The following DPF2 variants were observed in gnomAD, a reference collection of about 807,000 sequenced individuals.
The protein encoded by DPF2 is zinc finger protein ubi-d4.
DPF2 carries 10 observed loss-of-function variants against 59.6 expected under a neutral mutation model. The ratio of observed to expected loss-of-function variants is 0.17; its 90% CI spans 0.10 to 0.28. The LOEUF (loss-of-function observed/expected upper bound fraction) is 0.28, where lower values mean the gene tolerates loss of function less well. Ranked by LOEUF, DPF2 falls within the 10% of genes least tolerant of loss-of-function variation. The probability of loss-of-function intolerance (pLI) is 1.00; values close to 1 mark genes in which losing one functional copy is unlikely to be tolerated. For synonymous variants in DPF2, 189 were observed against 190.6 expected (o/e 0.99, Z 0.07); for missense variants, 315 against 509.4 (o/e 0.62, Z 3.67).
chr11:65,335,039 A>G (rs1001418266), intron 1 of DPF2, among the ~76,000 whole-genome samples: 1 of 148,348 alleles, frequency 6.7e-6, no homozygotes, highest in African/African-American at 2.5e-5. Flanking sequence ...ATGCTTTCCC[A>G]CTTCCATTAA....
At chr11:65,346,163 A>C in intron 8 of DPF2, 84 bp from the exon 9 acceptor site, 1 of 1,596,744 alleles carries the variant, frequency 6.3e-7, no homozygotes, top group Non-Finnish European at 8.5e-7. Context: ...TTTCCTAACC[A>C]AGAGAAGATG....
intron 1 of DPF2, among the ~76,000 whole-genome samples, chr11:65,335,240 C>T (rs1950080819): frequency 6.6e-6 from 1 of 152,194 alleles, no homozygotes. Flanking sequence ...CACTGTTGAT[C>T]TACCATTTAT....
intron 6 of DPF2, chr11:65,344,690 C>A: frequency 6.8e-7 from 1 of 1,479,008 alleles, no homozygotes; most frequent in Non-Finnish European, 9.1e-7. Context: ...GTTCCTCCTG[C>A]CTTTCTCATT....
intron 1 of DPF2, among the ~76,000 whole-genome samples, chr11:65,337,275 C>T (rs899413731): frequency 1.5e-4 from 22 of 150,616 alleles, no homozygotes; most frequent in Non-Finnish European, 2.1e-4. Flanking sequence ...CATGGTGAAA[C>T]CCTGTCTCTA....
Position 65,346,366 on chromosome 11 carries a change from AT to A in DPF2, c.1017+8del. On this transcript the variant is annotated splice_region_variant and intron_variant, in intron 9 of 10. Transcript: ENST00000528416. ...CGGCACCTCCGAGAATGACGTGTGT[AT>A]CCCCGCCCCCTCCTCAGCATGGCTC... The A allele has an allele frequency of 6.2e-7, 1 of 1,609,974 alleles. No individual in the cohort carries two copies. The highest frequency in any genetic ancestry group is 2.2e-5 in the East Asian group (1 of 44,868).
At chr11:65,342,374 C>T (rs1590933583) in intron 4 of DPF2, among the ~76,000 whole-genome samples, 1 of 151,440 alleles carries the variant, frequency 6.6e-6, no homozygotes, top group African/African-American at 2.4e-5. Flanking sequence ...TGCTTGAGCC[C>T]AGGAGATTGA....
rs61736579 is a variant in DPF2, at chr11:65,345,988, G to T, written c.834G>T (p.Gly278=). 3,162 of 1,614,130 alleles carry T rather than the reference G, an allele frequency of 2.0e-3. 33 individuals carry two copies. In the African/African-American group the frequency reaches 0.025, roughly 13 times the overall value. Residue 278 remains glycine (G), a synonymous_variant, in exon 8 of 11, where the codon GGG becomes GGT. Transcript: ENST00000528416. ...LPNNYCDFCL[G]DSKINKKTGQ... ...ACAACTACTGTGACTTCTGCCTGGG[G>T]GACTCAAAGATTAACAAGAAGACGG... is the stretch of plus-strand genomic sequence containing the variant.
At chr11:65,339,215 TG>T (rs1234587304) in intron 1 of DPF2, among the ~76,000 whole-genome samples, 1 of 151,446 alleles carries the variant, frequency 6.6e-6, no homozygotes, top group Non-Finnish European at 1.5e-5. Flanking sequence ...GTGTCCAGCT[TG>T]GGCAACATAG....
intron 10 of DPF2, among the ~76,000 whole-genome samples, chr11:65,349,970 A>G (rs1441813899): frequency 1.3e-5 from 2 of 152,150 alleles, no homozygotes; most frequent in Non-Finnish European, 2.9e-5. Flanking sequence ...TCACCCCTCT[A>G]GAGAATGAGG....
intron 10 of DPF2, among the ~76,000 whole-genome samples, chr11:65,351,384 G>A (rs1345986876): frequency 1.3e-5 from 2 of 152,140 alleles, no homozygotes; most frequent in Non-Finnish European, 2.9e-5. Context: ...GTCTTCCCAG[G>A]CCCTCTTCCT....
At chr11:65,348,795 G>T (rs1347627420) in intron 9 of DPF2, 55 bp from the exon 10 acceptor site, 3 of 1,582,140 alleles carry the variant, frequency 1.9e-6, no homozygotes, top group Non-Finnish European at 2.6e-6. Context: ...TCCTGTAGTG[G>T]CCTGAGGCAC....
At chr11:65,340,041 A>G (rs1854315710) in intron 1 of DPF2, among the ~76,000 whole-genome samples, 1 of 152,212 alleles carries the variant, frequency 6.6e-6, no homozygotes, top group African/African-American at 2.4e-5. Context: ...TCTTAGCCTC[A>G]TAAGGGTTAA....
chr11:65,351,347 T>C (rs774306178), intron 10 of DPF2, among the ~76,000 whole-genome samples: 1 of 152,210 alleles, frequency 6.6e-6, no homozygotes, highest in Non-Finnish European at 1.5e-5. Flanking sequence ...ACACAAGTCT[T>C]AAAACTGAGG....
Position 65,352,472 on chromosome 11 carries a change from T to C in DPF2, c.*713T>C, listed in dbSNP as rs1397772002. 1 of 152,748 alleles carries C rather than the reference T, an allele frequency of 6.5e-6. No homozygotes were observed. The highest frequency in any genetic ancestry group is 2.4e-5 in the African/African-American group (1 of 41,446). 9.5% of individuals were successfully genotyped at this position (152,748 alleles called of 1,614,324 possible). ...TTCCCCACCCTTGGAATTTCTCATC[T>C]TCTGCCTCCCTTCCTACTCCTTTTG... On this transcript the variant is annotated 3_prime_UTR_variant, in exon 11 of 11. Transcript: ENST00000528416.
chr11:65,344,746 G>C (rs1296482193), intron 6 of DPF2: 99 of 1,093,830 alleles, frequency 9.1e-5, no homozygotes, highest in Non-Finnish European at 1.2e-4. Context: ...ATGGGGGTAG[G>C]AGCAGTGGAA....
chr11:65,351,091 G>T (rs975514629), intron 10 of DPF2, among the ~76,000 whole-genome samples: 9 of 151,932 alleles, frequency 5.9e-5, no homozygotes, highest in African/African-American at 1.9e-4. Flanking sequence ...TTTGCCAACC[G>T]TATTGACCTT....
chr11:65,338,685 T>G (rs1172382386), intron 1 of DPF2, among the ~76,000 whole-genome samples: 4 of 152,184 alleles, frequency 2.6e-5, no homozygotes, highest in Non-Finnish European at 4.4e-5. Flanking sequence ...GCTCATTGAA[T>G]CACGCCAGGC....
chr11:65,338,585 C>G (rs1160634026), intron 1 of DPF2, among the ~76,000 whole-genome samples: 1 of 152,204 alleles, frequency 6.6e-6, no homozygotes, highest in Admixed American at 6.5e-5. Flanking sequence ...GTGGCTGCCT[C>G]CTAAAGGCGA....
At chr11:65,343,617 G>A in intron 4 of DPF2, 128 bp from the exon 5 acceptor site, 1 of 765,570 alleles carries the variant, frequency 1.3e-6, no homozygotes, top group Non-Finnish European at 2.2e-6. Context: ...AGGCGTTGGT[G>A]AGGAATGAGG....
Sources: gnomAD v4.1 joint callset for allele counts (sites outside exome capture counted in the v4.1 genomes callset) on GRCh38, gnomAD v4.1.1 for gene constraint, MANE v1.5 for transcripts, NCBI Gene and HGNC (gene_info 2026-07-23, HGNC 2026-07-21) for gene names.